MYO1E: variants seen among roughly 807,000 people sequenced by gnomAD.
MYO1E encodes the protein myosin IE, also known as unconventional myosin-Ie.
In MYO1E, 68 loss-of-function variants were observed where a neutral mutation model predicts 151.1. The observed-to-expected ratio is 0.45, with a 90% CI of 0.37 to 0.55. MYO1E has a LOEUF of 0.55. MYO1E is among the 20% of genes least tolerant of loss of function. The probability of loss-of-function intolerance (pLI) is 0.00; values close to 1 mark genes in which losing one functional copy is unlikely to be tolerated. For missense variants in MYO1E, 1,363 were observed against 1,389.3 expected, an observed-to-expected ratio of 0.98 and a Z score of 0.30; for synonymous variants, 601 against 501.7, an observed-to-expected ratio of 1.20 and a Z score of -2.64.
At chr15:59,301,419 G>A (rs1355394676) in intron 1 of MYO1E, among the ~76,000 whole-genome samples, 1 of 152,120 alleles carries the variant, frequency 6.6e-6, no homozygotes, top group Admixed American at 6.5e-5. Flanking sequence ...CAGTCTGCTG[G>A]GAGCAGGAAC....
intron 1 of MYO1E, 135 bp from the exon 2 acceptor site, chr15:59,272,584 A>G (rs2080294792): frequency 4.1e-6 from 4 of 971,580 alleles, no homozygotes; most frequent in African/African-American, 3.2e-5. Flanking sequence ...AGATTCTGCA[A>G]TCAATAAGAT....
chr15:59,179,146 G>A (rs2079643281), intron 18 of MYO1E, among the ~76,000 whole-genome samples: 1 of 152,038 alleles, frequency 6.6e-6, no homozygotes, highest in South Asian at 2.1e-4. Flanking sequence ...CGGCGCCTCT[G>A]CCCCTGCTCT....
chr15:59,324,494 T>G (rs1315582159), intron 1 of MYO1E, among the ~76,000 whole-genome samples: 4 of 152,034 alleles, frequency 2.6e-5, no homozygotes, highest in Non-Finnish European at 4.4e-5. Context: ...CTGGGGAGCA[T>G]CGGGGATGCT....
At chr15:59,303,150 G>A (rs1474954865) in intron 1 of MYO1E, among the ~76,000 whole-genome samples, 1 of 152,178 alleles carries the variant, frequency 6.6e-6, no homozygotes, top group East Asian at 1.9e-4. Context: ...CCCTCATCAA[G>A]TCTAAATTTG....
chr15:59,187,162 AACAG>A (rs1277382817), intron 18 of MYO1E, among the ~76,000 whole-genome samples: 2 of 152,226 alleles, frequency 1.3e-5, no homozygotes, highest in Admixed American at 1.3e-4. Context: ...TGTTACACTA[AACAG>A]ACAGCCTAAT....
At position 59,135,882 on chromosome 15, in the gene MYO1E, T is replaced by TA. The variant is rs2079369760; in HGVS notation, c.*1497dup. The stretch of plus-strand genomic sequence containing the variant: ...CAACCATTCCATTATTGATGGGCAT[T>TA]ACACTGATTCCAGCTTTTCACTATT... On this transcript the variant is annotated 3_prime_UTR_variant, in exon 28 of 28. Transcript: ENST00000288235. 6.6e-6 allele frequency: 1 copy of TA among 152,218 alleles called. No homozygotes were observed. The highest frequency in any genetic ancestry group is 2.1e-4 in the South Asian group (1 of 4,834). The allele number at this position is 152,218 out of a possible 1,614,324, so 9.4% of individuals were successfully genotyped here.
At chr15:59,321,184 G>A (rs892310883) in intron 1 of MYO1E, among the ~76,000 whole-genome samples, 1 of 152,214 alleles carries the variant, frequency 6.6e-6, no homozygotes, top group Non-Finnish European at 1.5e-5. Flanking sequence ...AAAAACAACA[G>A]ATGGTGGTAA....
In MYO1E at chr15:59,372,557, T is replaced by G. The variant is rs2140449116; in HGVS notation, c.-57A>C. On this transcript the variant is annotated 5_prime_UTR_variant, in exon 1 of 28. Coordinates refer to ENST00000288235, the MANE Select transcript of MYO1E (RefSeq NM_004998.4). The stretch of plus-strand genomic sequence containing the variant: ...GGTCCCGCTGCCGGGGAACTGGGGC[T>G]GGAACGCAGTCTTCTGGGCGAACTT... 6.5e-7 allele frequency: 1 copy of G among 1,533,424 alleles called. No individual in the cohort carries two copies. The highest frequency in any genetic ancestry group is 1.4e-5 in the African/African-American group (1 of 72,728). The allele number at this position is 1,533,424 out of a possible 1,614,324, so 95.0% of individuals were successfully genotyped here. A position where few individuals can be genotyped will look rare whatever the true frequency, so the allele number is the denominator to read the frequency against.
intron 2 of MYO1E, chr15:59,266,784 GC>G (rs1264548558): frequency 6.9e-6 from 1 of 145,172 alleles, no homozygotes; most frequent in Non-Finnish European, 1.5e-5. Flanking sequence ...GCCTCAGCCT[GC>G]GGAGTAGCTG....
intron 16 of MYO1E, among the ~76,000 whole-genome samples, chr15:59,199,632 G>A: frequency 6.6e-6 from 1 of 151,976 alleles, no homozygotes; most frequent in African/African-American, 2.4e-5. Flanking sequence ...AATATAATAA[G>A]AGTTCCCATC....
chr15:59,219,020 T>C (rs1335394772), intron 9 of MYO1E, among the ~76,000 whole-genome samples: 2 of 152,164 alleles, frequency 1.3e-5, no homozygotes. Context: ...GGGGGCCTGA[T>C]GGCTAATAAA....
intron 26 of MYO1E, among the ~76,000 whole-genome samples, chr15:59,139,539 T>G (rs2079396558): frequency 6.7e-6 from 1 of 149,444 alleles, no homozygotes. Flanking sequence ...CCCTCATTAT[T>G]ACTCCTCAGA....
chr15:59,312,042 T>G (rs1215448708), intron 1 of MYO1E, among the ~76,000 whole-genome samples: 3 of 152,242 alleles, frequency 2.0e-5, no homozygotes, highest in African/African-American at 7.2e-5. Context: ...GGTATTCAGC[T>G]ATAGCAAACC....
chr15:59,245,647 G>A (rs1283590182), intron 4 of MYO1E, among the ~76,000 whole-genome samples: 3 of 152,200 alleles, frequency 2.0e-5, no homozygotes, highest in African/African-American at 7.2e-5. Context: ...AGCACCAAAT[G>A]GGATGCTTTC....
intron 1 of MYO1E, among the ~76,000 whole-genome samples, chr15:59,313,335 C>T (rs1338698302): frequency 6.6e-6 from 1 of 152,154 alleles, no homozygotes; most frequent in Non-Finnish European, 1.5e-5. Context: ...TGTTAATACG[C>T]ATCTGAAGGA....
chr15:59,288,855 G>C lies in MYO1E; in HGVS notation c.4-16406C>G, dbSNP rs529360033. Among the ~76,000 whole-genome samples, 7 of 152,282 alleles carry C rather than the reference G, an allele frequency of 4.6e-5. No individual in the cohort carries two copies. The South Asian group carries it at 1.2e-3, about 27-fold the overall frequency. On this transcript the variant is annotated intron_variant, in intron 1 of 27. Coordinates refer to ENST00000288235, the MANE Select transcript of MYO1E (RefSeq NM_004998.4). ...CAGTAGCTGCAGAGAAGATACATAG[G>C]GAGTTCAGCAGGCTAACCAAAATGG... is the stretch of plus-strand genomic sequence containing the variant.
At chr15:59,162,740 T>C (rs2079545126) in intron 23 of MYO1E, among the ~76,000 whole-genome samples, 1 of 151,940 alleles carries the variant, frequency 6.6e-6, no homozygotes, top group East Asian at 1.9e-4. Flanking sequence ...CCGGAGGCTC[T>C]ACCAATAAAC....
At chr15:59,187,882 T>C (rs1293189926) in intron 18 of MYO1E, among the ~76,000 whole-genome samples, 1 of 152,200 alleles carries the variant, frequency 6.6e-6, no homozygotes, top group Admixed American at 6.5e-5. Flanking sequence ...AGAAGGTAGA[T>C]AAGTGACTGA....
At chr15:59,252,414 C>T (rs1419111986) in intron 4 of MYO1E, among the ~76,000 whole-genome samples, 1 of 152,064 alleles carries the variant, frequency 6.6e-6, no homozygotes, top group East Asian at 1.9e-4. Flanking sequence ...GAAACCCTGT[C>T]TACTAAAAAT....
Sources: gnomAD v4.1 joint callset for allele counts (sites outside exome capture counted in the v4.1 genomes callset) on GRCh38, gnomAD v4.1.1 for gene constraint, MANE v1.5 for transcripts, NCBI Gene and HGNC (gene_info 2026-07-23, HGNC 2026-07-21) for gene names.